FARS2: variants seen among roughly 807,000 people sequenced by gnomAD.
FARS2 encodes the protein phenylalanyl-tRNA synthetase 2, mitochondrial.
A neutral mutation model predicts 46.4 loss-of-function variants in FARS2; 40 were observed. That is an observed-to-expected ratio of 0.86 (90% CI 0.67 to 1.12). The LOEUF (loss-of-function observed/expected upper bound fraction) is 1.12, where lower values mean the gene tolerates loss of function less well. Among genes scored for constraint, FARS2 ranks in the 50% most tolerant of loss-of-function variants. The probability of loss-of-function intolerance (pLI) is 0.00; values close to 1 mark genes in which losing one functional copy is unlikely to be tolerated. For synonymous variants in FARS2, 234 were observed against 214.9 expected, an observed-to-expected ratio of 1.09 and a Z score of -0.78; for missense variants, 513 against 567.9, an observed-to-expected ratio of 0.90 and a Z score of 0.98.
intron 3 of FARS2, among the ~76,000 whole-genome samples, chr6:5,429,106 T>C (rs1582078158): frequency 6.6e-6 from 1 of 151,972 alleles, no homozygotes; most frequent in Non-Finnish European, 1.5e-5. Context: ...AGTGGGCAGG[T>C]GGGTAGGATT....
At chr6:5,535,307 A>G (rs1198266822) in intron 4 of FARS2, among the ~76,000 whole-genome samples, 1 of 152,186 alleles carries the variant, frequency 6.6e-6, no homozygotes, top group Non-Finnish European at 1.5e-5. Flanking sequence ...GTTCATTGTT[A>G]GTGTATAGAA....
intron 1 of FARS2, among the ~76,000 whole-genome samples, chr6:5,289,900 C>T (rs921656743): frequency 6.6e-6 from 1 of 152,158 alleles, no homozygotes; most frequent in African/African-American, 2.4e-5. Flanking sequence ...GCCTTAGGTT[C>T]CCTGCCTCCA....
intron 6 of FARS2, among the ~76,000 whole-genome samples, chr6:5,631,968 G>C (rs1776311701): frequency 6.6e-6 from 1 of 152,064 alleles, no homozygotes; most frequent in Non-Finnish European, 1.5e-5. Context: ...TTCCTTGAGT[G>C]GCTAATAATT....
chr6:5,383,987 G>A (rs1443568266), intron 2 of FARS2, among the ~76,000 whole-genome samples: 2 of 152,170 alleles, frequency 1.3e-5, no homozygotes, highest in African/African-American at 4.8e-5. Context: ...GGCCCAGGAA[G>A]AAGATGTTGA....
intron 6 of FARS2, among the ~76,000 whole-genome samples, chr6:5,639,400 T>C (rs912210696): frequency 5.3e-5 from 8 of 152,338 alleles, no homozygotes; most frequent in African/African-American, 1.9e-4. Flanking sequence ...GCATATGAAA[T>C]GTTACCATGT....
rs1236796468 is a variant in FARS2, at chr6:5,264,972, T to TG, written c.-22+3312_-22+3313insG. On this transcript the variant is annotated intron_variant, in intron 1 of 6. Coordinates refer to ENST00000274680, the MANE Select transcript of FARS2 (RefSeq NM_006567.5). ...CCATGCCTGGCAGATTTTTAAGTGT[T>TG]TTTTTTTTTTTTTGTAGAGATGAGA... is the stretch of plus-strand genomic sequence containing the variant. 1.7e-4 allele frequency among the ~76,000 whole-genome samples: 26 copies of TG among 149,050 alleles called. No individual in the cohort carries two copies. The East Asian group carries it at 4.7e-3, about 27-fold the overall frequency.
chr6:5,571,759 T>C (rs1232758022), intron 5 of FARS2, among the ~76,000 whole-genome samples: 1 of 152,226 alleles, frequency 6.6e-6, no homozygotes, highest in African/African-American at 2.4e-5. Context: ...ACCTTTCTTT[T>C]ATCAGAAATC....
chr6:5,705,692 A>G (rs1365438374), intron 6 of FARS2, among the ~76,000 whole-genome samples: 1 of 151,888 alleles, frequency 6.6e-6, no homozygotes, highest in Non-Finnish European at 1.5e-5. Context: ...TTGTTTGCCT[A>G]TTTGCATAGT....
chr6:5,285,867 C>T (rs947973092), intron 1 of FARS2, among the ~76,000 whole-genome samples: 4 of 152,166 alleles, frequency 2.6e-5, no homozygotes, highest in African/African-American at 7.2e-5. Flanking sequence ...CTTCTTTGCA[C>T]GGGGCTTCTT....
rs1769080079 is a variant in FARS2, at chr6:5,311,539, G to A, written c.-22+49879G>A. 6.6e-6 allele frequency among the ~76,000 whole-genome samples: 1 copy of A among 152,000 alleles called. No homozygotes were observed. The highest frequency in any genetic ancestry group is 1.5e-5 in the Non-Finnish European group (1 of 68,010). Reference sequence around the variant, plus strand: ...TATTAAAACATGCATACACCTGCACGACCCTAATAAATGTTCCTTAGAAAA... The same window carrying A: ...TATTAAAACATGCATACACCTGCACAACCCTAATAAATGTTCCTTAGAAAA... On this transcript the variant is annotated intron_variant, in intron 1 of 6. Transcript: ENST00000274680. The surrounding 1 kb of genome is among the most constrained non-coding windows in gnomAD (Gnocchi z 4.1).
intron 3 of FARS2, among the ~76,000 whole-genome samples, chr6:5,421,518 G>A (rs1403222145): frequency 6.6e-6 from 1 of 152,112 alleles, no homozygotes; most frequent in East Asian, 1.9e-4. Flanking sequence ...CTATCGCATT[G>A]TCAGCCTACA....
chr6:5,713,814 C>T (rs1170951460), intron 6 of FARS2, among the ~76,000 whole-genome samples: 1 of 152,200 alleles, frequency 6.6e-6, no homozygotes, highest in Non-Finnish European at 1.5e-5. Flanking sequence ...AGGTGTAACA[C>T]GGCCCCTCCC....
intron 1 of FARS2, among the ~76,000 whole-genome samples, chr6:5,341,451 A>G (rs1023969669): frequency 1.3e-5 from 2 of 149,000 alleles, no homozygotes; most frequent in Non-Finnish European, 3.0e-5. Context: ...TTCCACTCTT[A>G]TTTCTGTTTC....
At chr6:5,328,835 T>C (rs1448662524) in intron 1 of FARS2, among the ~76,000 whole-genome samples, 4 of 152,188 alleles carry the variant, frequency 2.6e-5, no homozygotes, top group Non-Finnish European at 4.4e-5. Flanking sequence ...TCCTGGAACC[T>C]TCTGCTTTTA....
At chr6:5,359,773 C>A (rs184856452) in intron 1 of FARS2, among the ~76,000 whole-genome samples, 3 of 152,226 alleles carry the variant, frequency 2.0e-5, no homozygotes, top group Admixed American at 6.5e-5. Context: ...AAAATACTTA[C>A]ATTTATCCAT....
chr6:5,445,875 A>T (rs1764154353), intron 4 of FARS2, among the ~76,000 whole-genome samples: 1 of 152,234 alleles, frequency 6.6e-6, no homozygotes, highest in African/African-American at 2.4e-5. Flanking sequence ...TTTTCTGGGG[A>T]AGCAGGGACA....
intron 6 of FARS2, among the ~76,000 whole-genome samples, chr6:5,767,063 A>T (rs888065630): frequency 6.6e-6 from 1 of 151,608 alleles, no homozygotes; most frequent in African/African-American, 2.4e-5. Context: ...ATCCAAAAAA[A>T]ATTTTTTTTT....
chr6:5,576,387 C>T (rs1018009845), intron 5 of FARS2, among the ~76,000 whole-genome samples: 1 of 152,024 alleles, frequency 6.6e-6, no homozygotes, highest in Non-Finnish European at 1.5e-5. Context: ...TCCCAGCCTA[C>T]ATCTATCTCC....
intron 5 of FARS2, among the ~76,000 whole-genome samples, chr6:5,590,808 T>C (rs1244458859): frequency 1.3e-5 from 2 of 151,564 alleles, no homozygotes; most frequent in Admixed American, 6.6e-5. Context: ...TTTTTAGGCC[T>C]TTCCCTTTCT....
Sources: gnomAD v4.1 joint callset for allele counts (sites outside exome capture counted in the v4.1 genomes callset) on GRCh38, gnomAD v4.1.1 for gene constraint, Gnocchi (gnomAD v3.1) non-coding constraint, MANE v1.5 for transcripts, NCBI Gene and HGNC (gene_info 2026-07-23, HGNC 2026-07-21) for gene names.